SEC24D: variants seen among roughly 807,000 people sequenced by gnomAD.
SEC24D encodes SEC24 homolog D, COPII component.
Under a neutral mutation model 116.9 loss-of-function variants are expected in SEC24D, and 69 were observed. That is an observed-to-expected ratio of 0.59 (90% CI 0.49 to 0.72). SEC24D has a LOEUF of 0.72. Ranked by LOEUF, SEC24D falls within the 30% of genes least tolerant of loss-of-function variation. The pLI, the probability that SEC24D is intolerant of heterozygous loss-of-function variation, is 0.00. For missense variants in SEC24D, 1,131 were observed against 1,264.1 expected, an observed-to-expected ratio of 0.89 and a Z score of 1.60; for synonymous variants, 405 against 442.8, an observed-to-expected ratio of 0.91 and a Z score of 1.07.
chr4:118,732,959 A>T, intron 19 of SEC24D, 47 bp from the exon 20 acceptor site: 1 of 1,473,516 alleles, frequency 6.8e-7, no homozygotes, highest in Non-Finnish European at 9.4e-7. Flanking sequence ...TTTACTGAGA[A>T]CAATTCCCTG....
At chr4:118,828,785 T>G (rs568571474) in intron 2 of SEC24D, among the ~76,000 whole-genome samples, 1 of 152,218 alleles carries the variant, frequency 6.6e-6, no homozygotes, top group Non-Finnish European at 1.5e-5. Context: ...CTTCCCAGAC[T>G]AAATCACTTC....
Position 118,723,407 on chromosome 4 carries a change from T to G in SEC24D, c.*108A>C. 8.3e-7 allele frequency: 1 copy of G among 1,202,742 alleles called. No individual in the cohort carries two copies. The highest frequency in any genetic ancestry group is 1.2e-6 in the Non-Finnish European group (1 of 861,194). The allele number at this position is 1,202,742 out of a possible 1,614,324, so 74.5% of individuals were successfully genotyped here. ...GCCATCTCTTCCTGGAAAGTTATTC[T>G]GAAAATGAGCAAGAAATCAAAACTA... On this transcript the variant is annotated 3_prime_UTR_variant, in exon 23 of 23. Coordinates refer to ENST00000280551, the MANE Select transcript of SEC24D (RefSeq NM_014822.4).
chr4:118,777,466 T>G (rs931128085), intron 8 of SEC24D, among the ~76,000 whole-genome samples: 1 of 152,240 alleles, frequency 6.6e-6, no homozygotes, highest in African/African-American at 2.4e-5. Context: ...TATGGCTGCA[T>G]AGTATTCCAT....
intron 8 of SEC24D, among the ~76,000 whole-genome samples, chr4:118,779,192 G>T (rs1268724474): frequency 6.6e-6 from 1 of 152,130 alleles, no homozygotes; most frequent in Non-Finnish European, 1.5e-5. Context: ...GCTTTCAAAG[G>T]GAATGCTTCC....
intron 8 of SEC24D, among the ~76,000 whole-genome samples, chr4:118,797,356 T>C (rs1194583897): frequency 2.0e-5 from 3 of 152,174 alleles, no homozygotes; most frequent in Admixed American, 1.3e-4. Context: ...ACACCCACAA[T>C]GTAAGGGCTC....
intron 15 of SEC24D, among the ~76,000 whole-genome samples, chr4:118,743,343 C>CTA (rs529375146): frequency 0.02 from 2,409 of 121,486 alleles, 59 homozygotes; most frequent in African/African-American, 0.056. Context: ...TATATGGTTC[C>CTA]TATATATATA....
At chr4:118,781,345 G>A (rs1728404162) in intron 8 of SEC24D, among the ~76,000 whole-genome samples, 1 of 152,076 alleles carries the variant, frequency 6.6e-6, no homozygotes, top group Non-Finnish European at 1.5e-5. Flanking sequence ...CTTCACTTAT[G>A]AAGCTTAGTT....
intron 4 of SEC24D, chr4:118,816,721 C>G: frequency 2.3e-6 from 1 of 431,696 alleles, no homozygotes; most frequent in Non-Finnish European, 4.6e-6. Context: ...GCTGTCATTA[C>G]AGTGGAGCTT....
At chr4:118,829,732 A>T (rs980978696) in intron 2 of SEC24D, among the ~76,000 whole-genome samples, 4 of 152,086 alleles carry the variant, frequency 2.6e-5, no homozygotes, top group African/African-American at 9.7e-5. Context: ...AAATCGCTTG[A>T]ACCTGGGAGG....
At chr4:118,827,821 T>C (rs1186321756) in intron 2 of SEC24D, among the ~76,000 whole-genome samples, 1 of 152,166 alleles carries the variant, frequency 6.6e-6, no homozygotes, top group African/African-American at 2.4e-5. Flanking sequence ...AACAAATCCC[T>C]TTCCACTAAA....
chr4:118,753,063 G>A (rs147138526), intron 11 of SEC24D, among the ~76,000 whole-genome samples, 175 bp from the exon 12 acceptor site: 1 of 152,120 alleles, frequency 6.6e-6, no homozygotes, highest in East Asian at 1.9e-4. Context: ...ATGGGGGATA[G>A]GAGTTATTAC....
chr4:118,833,774 G>T, intron 1 of SEC24D, 37 bp from the exon 2 acceptor site: 1 of 977,566 alleles, frequency 1.0e-6, no homozygotes, highest in Non-Finnish European at 1.6e-6. Context: ...TACCAAGACA[G>T]TTTTAGTTAC....
chr4:118,748,846 A>T (rs886646544), intron 13 of SEC24D, among the ~76,000 whole-genome samples: 2 of 152,114 alleles, frequency 1.3e-5, no homozygotes, highest in African/African-American at 4.8e-5. Context: ...TGAGACTACC[A>T]CCTTCCATTC....
chr4:118,801,957 T>C (rs1289494094), intron 7 of SEC24D, among the ~76,000 whole-genome samples: 1 of 152,202 alleles, frequency 6.6e-6, no homozygotes, highest in Non-Finnish European at 1.5e-5. Flanking sequence ...CTGAAAACAT[T>C]CAATAAATTC....
In SEC24D at chr4:118,723,414, G is replaced by A; in HGVS notation, c.*101C>T. On this transcript the variant is annotated 3_prime_UTR_variant, in exon 23 of 23. Coordinates refer to ENST00000280551, the MANE Select transcript of SEC24D (RefSeq NM_014822.4). The stretch of plus-strand genomic sequence containing the variant: ...CTTCCTGGAAAGTTATTCTGAAAAT[G>A]AGCAAGAAATCAAAACTAGCCTATT... The A allele has an allele frequency of 8.1e-7, 1 of 1,233,496 alleles. No homozygotes were observed. The highest frequency in any genetic ancestry group is 1.1e-6 in the Non-Finnish European group (1 of 885,640). 76.4% of individuals were successfully genotyped at this position (1,233,496 alleles called of 1,614,324 possible). A position where few individuals can be genotyped will look rare whatever the true frequency, so the allele number is the denominator to read the frequency against.
Position 118,808,250 on chromosome 4 carries a change from T to G in SEC24D, c.802-2296A>C, listed in dbSNP as rs115309489. 5.7e-3 allele frequency among the ~76,000 whole-genome samples: 865 copies of G among 152,308 alleles called. 12 individuals carry two copies. The highest frequency in any genetic ancestry group is 0.019 in the African/African-American group (787 of 41,564). On this transcript the variant is annotated intron_variant, in intron 6 of 22. Coordinates refer to ENST00000280551, the MANE Select transcript of SEC24D (RefSeq NM_014822.4). ...TGCTGGGATTACAGGCATGAACCAC[T>G]GCACCTGGCTTAGAGTCATTTTTAT...
chr4:118,732,788 A>G lies in SEC24D; in HGVS notation c.2621T>C (p.Met874Thr), dbSNP rs1009683434. 6.2e-7 allele frequency: 1 copy of G among 1,614,166 alleles called. No individual in the cohort carries two copies. Among genetic ancestry groups the G allele is most frequent in the African/African-American group, 1.3e-5 (1 of 75,056 alleles). ...DERAYQRQLV[M>T]TMGVADSQLF... ...CTGAGAGTCAGCCACACCCATGGTC[A>G]TGACCAGCTGTCTCTGGTATGCTCG... The change falls in exon 20 of 23, where the codon ATG (methionine) becomes ACG (threonine). Residue 874 changes from methionine to threonine, a missense_variant. Met to Thr is a moderately conservative substitution (Grantham distance 81). Transcript: ENST00000280551.
At chr4:118,743,857 G>A in intron 15 of SEC24D, 131 bp downstream of exon 15, 5 of 812,814 alleles carry the variant, frequency 6.2e-6, no homozygotes, top group Non-Finnish European at 9.3e-6. Flanking sequence ...GGTATACTTT[G>A]TTTTCCATCT....
At position 118,819,702 on chromosome 4, in the gene SEC24D, A is replaced by C. The variant is rs1457320850; in HGVS notation, c.249-2290T>G. Among the ~76,000 whole-genome samples the C allele has an allele frequency of 2.6e-5, 4 of 152,178 alleles. No individual in the cohort carries two copies. The East Asian group carries it at 7.7e-4, about 29-fold the overall frequency. The stretch of plus-strand genomic sequence containing the variant: ...GATGTTGCATTTATATGGAGAAAAA[A>C]CCTCCCCAAAACATTTTCAAAGGTG... On this transcript the variant is annotated intron_variant, in intron 3 of 22. Coordinates refer to ENST00000280551, the MANE Select transcript of SEC24D (RefSeq NM_014822.4).
Sources: gnomAD v4.1 joint callset for allele counts (sites outside exome capture counted in the v4.1 genomes callset) on GRCh38, gnomAD v4.1.1 for gene constraint, MANE v1.5 for transcripts, NCBI Gene and HGNC (gene_info 2026-07-23, HGNC 2026-07-21) for gene names.